EPC2: variants seen among roughly 807,000 people sequenced by gnomAD.
EPC2 encodes enhancer of polycomb 2, also known as enhancer of polycomb homolog 2.
A neutral mutation model predicts 92.1 loss-of-function variants in EPC2; 14 were observed. The ratio of observed to expected loss-of-function variants is 0.15; its 90% CI spans 0.10 to 0.24. The LOEUF (loss-of-function observed/expected upper bound fraction) is 0.24. Ranked by LOEUF, EPC2 falls within the 10% of genes least tolerant of loss-of-function variation. The pLI, the probability that EPC2 is intolerant of heterozygous loss-of-function variation, is 1.00. For synonymous variants in EPC2, 340 were observed against 334.7 expected (o/e 1.02, Z -0.17); for missense variants, 755 against 971.5 (o/e 0.78, Z 2.96).
intron 1 of EPC2, among the ~76,000 whole-genome samples, chr2:148,660,010 A>G (rs1160186915): frequency 6.6e-6 from 1 of 152,130 alleles, no homozygotes; most frequent in Non-Finnish European, 1.5e-5. Context: ...CATTATAACA[A>G]TATCATGTGT....
intron 1 of EPC2, among the ~76,000 whole-genome samples, chr2:148,659,566 T>A (rs984207466): frequency 2.0e-5 from 3 of 152,052 alleles, no homozygotes; most frequent in Non-Finnish European, 2.9e-5. Flanking sequence ...ATAAATAATA[T>A]TATTACATTT....
intron 2 of EPC2, among the ~76,000 whole-genome samples, chr2:148,739,252 T>C (rs1183036990): frequency 6.6e-6 from 1 of 152,358 alleles, no homozygotes; most frequent in Non-Finnish European, 1.5e-5. Flanking sequence ...CATATTCATA[T>C]TCATAACAGT....
In EPC2 at chr2:148,762,540, T is replaced by C; in HGVS notation, c.816-130T>C. On this transcript the variant is annotated intron_variant, in intron 5 of 13. Coordinates refer to ENST00000258484, the MANE Select transcript of EPC2 (RefSeq NM_015630.4). ...TGTTTCTTTATTCCTGCAAATTTTA[T>C]CTTTTAAAAGTAATTTGATTGTTAG... is the stretch of plus-strand genomic sequence containing the variant. 4.4e-6 allele frequency: 3 copies of C among 687,682 alleles called. No homozygotes were observed. The South Asian group carries it at 8.6e-5, about 20-fold the overall frequency. The allele number at this position is 687,682 out of a possible 1,614,324, so 42.6% of individuals were successfully genotyped here. A position where few individuals can be genotyped will look rare whatever the true frequency, so the allele number is the denominator to read the frequency against.
intron 10 of EPC2, among the ~76,000 whole-genome samples, chr2:148,776,300 T>A (rs1040739387): frequency 3.3e-5 from 5 of 152,192 alleles, no homozygotes; most frequent in Non-Finnish European, 2.9e-5. Context: ...ATTAAAGTAT[T>A]TTAGTTTGAC....
chr2:148,749,492 T>TC (rs1215907190), intron 3 of EPC2, among the ~76,000 whole-genome samples: 4 of 151,556 alleles, frequency 2.6e-5, no homozygotes, highest in East Asian at 1.9e-4. Flanking sequence ...TTTTTTTTTT[T>TC]CATCATGCAG....
At chr2:148,650,989 CA>C (rs1680671673) in intron 1 of EPC2, among the ~76,000 whole-genome samples, 3 of 152,152 alleles carry the variant, frequency 2.0e-5, no homozygotes, top group African/African-American at 7.2e-5. Flanking sequence ...AGTCCAAAAA[CA>C]TGTATCTGGA....
chr2:148,752,563 C>CT (rs1305330864), intron 3 of EPC2, among the ~76,000 whole-genome samples: 4 of 152,110 alleles, frequency 2.6e-5, no homozygotes, highest in Non-Finnish European at 5.9e-5. Context: ...TAAGCTACCT[C>CT]TACTAAGAGA....
At chr2:148,780,969 T>C (rs1465171211) in intron 10 of EPC2, among the ~76,000 whole-genome samples, 1 of 152,206 alleles carries the variant, frequency 6.6e-6, no homozygotes, top group Non-Finnish European at 1.5e-5. Context: ...TTGTTTTCAT[T>C]TGAAACACAC....
At chr2:148,645,877 A>C (rs1683789274) in intron 1 of EPC2, among the ~76,000 whole-genome samples, 1 of 152,212 alleles carries the variant, frequency 6.6e-6, no homozygotes, top group African/African-American at 2.4e-5. Flanking sequence ...GGAGCCGGGG[A>C]TGCCCGGAAG....
intron 2 of EPC2, among the ~76,000 whole-genome samples, chr2:148,691,209 C>A (rs1490035462): frequency 6.6e-6 from 1 of 152,184 alleles, no homozygotes; most frequent in Non-Finnish European, 1.5e-5. Flanking sequence ...CTATACTCTT[C>A]TAATCTAGCT....
In EPC2 at chr2:148,645,180, C is replaced by A; in HGVS notation, c.153+10C>A. ...GAAGGAGGAGGAATCGGTAGGGACT[C>A]GAGTGTTTATTACCCCCCCTTCCCT... On this transcript the variant is annotated intron_variant, in intron 1 of 13. Transcript: ENST00000258484. 6.3e-7 allele frequency: 1 copy of A among 1,597,844 alleles called. No homozygotes were observed.
At chr2:148,647,870 T>C (rs1182932525) in intron 1 of EPC2, among the ~76,000 whole-genome samples, 1 of 151,084 alleles carries the variant, frequency 6.6e-6, no homozygotes, top group Non-Finnish European at 1.5e-5. Flanking sequence ...TGACTCTTGC[T>C]CCACCTGCCT....
chr2:148,689,967 GTATA>G (rs774833110), intron 1 of EPC2, among the ~76,000 whole-genome samples: 5 of 148,648 alleles, frequency 3.4e-5, no homozygotes, highest in Non-Finnish European at 4.5e-5. Flanking sequence ...TAGTTTCTGA[GTATA>G]TATTTAATTT....
chr2:148,785,450 C>A (rs1372517711), intron 13 of EPC2, among the ~76,000 whole-genome samples: 1 of 152,084 alleles, frequency 6.6e-6, no homozygotes, highest in Non-Finnish European at 1.5e-5. Context: ...GCCTCAGCCT[C>A]CCAAGTAGCT....
At chr2:148,668,499 A>C (rs1681095729) in intron 1 of EPC2, among the ~76,000 whole-genome samples, 1 of 152,124 alleles carries the variant, frequency 6.6e-6, no homozygotes, top group African/African-American at 2.4e-5. Flanking sequence ...TTTTGGAAAA[A>C]ATTGTGTAGA....
chr2:148,708,765 G>A (rs1227391098), intron 2 of EPC2, among the ~76,000 whole-genome samples: 5 of 152,178 alleles, frequency 3.3e-5, no homozygotes, highest in Non-Finnish European at 4.4e-5. Context: ...CTCAGTAGAT[G>A]CAGAAAAGGC....
chr2:148,700,019 A>G (rs187638752), intron 2 of EPC2, among the ~76,000 whole-genome samples: 2 of 152,228 alleles, frequency 1.3e-5, no homozygotes, highest in Admixed American at 1.3e-4. Flanking sequence ...CATTATTTAT[A>G]TATCTTCTTT....
intron 2 of EPC2, among the ~76,000 whole-genome samples, chr2:148,698,951 A>G (rs888979904): frequency 2.6e-5 from 4 of 151,722 alleles, no homozygotes; most frequent in African/African-American, 9.7e-5. Flanking sequence ...TAATTTTAAT[A>G]GTCTTTGGAA....
intron 4 of EPC2, among the ~76,000 whole-genome samples, chr2:148,757,662 A>G (rs1316944019): frequency 6.6e-6 from 1 of 151,760 alleles, no homozygotes; most frequent in East Asian, 2.0e-4. Context: ...ACGTGGAGAA[A>G]CCTCATCTCT....
Sources: gnomAD v4.1 joint callset for allele counts (sites outside exome capture counted in the v4.1 genomes callset) on GRCh38, gnomAD v4.1.1 for gene constraint, MANE v1.5 for transcripts, NCBI Gene and HGNC (gene_info 2026-07-23, HGNC 2026-07-21) for gene names.